Variants in EXOC4 observed in about 807,000 individuals in gnomAD.
EXOC4 encodes the protein exocyst complex component 4.
EXOC4 carries 71 observed loss-of-function variants against 107.2 expected under a neutral mutation model. That is an observed-to-expected ratio of 0.66 (90% CI 0.55 to 0.81). The LOEUF is 0.81. Among genes scored for constraint, EXOC4 ranks in the 30% least tolerant of loss-of-function variants. The pLI, the probability that EXOC4 is intolerant of heterozygous loss-of-function variation, is 0.00. For missense variants in EXOC4, 1,108 were observed against 1,189.6 expected, an observed-to-expected ratio of 0.93 and a Z score of 1.01; for synonymous variants, 456 against 441.2, an observed-to-expected ratio of 1.03 and a Z score of -0.42.
intron 14 of EXOC4, among the ~76,000 whole-genome samples, chr7:133,975,437 G>A (rs1793808771): frequency 6.6e-6 from 1 of 152,054 alleles, no homozygotes; most frequent in Non-Finnish European, 1.5e-5. Flanking sequence ...TGACCAAAAG[G>A]AAGAATTCAT....
At chr7:133,616,410 G>GAATGA (rs559632317) in intron 9 of EXOC4, among the ~76,000 whole-genome samples, 2 of 152,188 alleles carry the variant, frequency 1.3e-5, no homozygotes, top group East Asian at 3.9e-4. Context: ...ATGGGTTATT[G>GAATGA]AATGAAATGA....
At chr7:133,602,987 T>C (rs538746932) in intron 9 of EXOC4, among the ~76,000 whole-genome samples, 2 of 144,940 alleles carry the variant, frequency 1.4e-5, no homozygotes, top group East Asian at 3.9e-4. Context: ...AAAACAATTA[T>C]TTAATGTCTA....
At chr7:133,542,924 TTAA>T in intron 9 of EXOC4, among the ~76,000 whole-genome samples, 1 of 152,184 alleles carries the variant, frequency 6.6e-6, no homozygotes, top group Non-Finnish European at 1.5e-5. Context: ...GTTATAAATG[TTAA>T]TAATATTAAG....
chr7:133,469,088 C>A (rs184842598), intron 7 of EXOC4, among the ~76,000 whole-genome samples: 1 of 152,240 alleles, frequency 6.6e-6, no homozygotes, highest in Admixed American at 6.5e-5. Context: ...TATACTATGG[C>A]TTAATGTAAA....
downstream of EXOC4, among the ~76,000 whole-genome samples, chr7:134,070,811 C>T (rs974224050): frequency 6.0e-5 from 9 of 151,174 alleles, no homozygotes; most frequent in Non-Finnish European, 8.8e-5. Context: ...TAGGTGTTTT[C>T]GGGTGAGTGC....
the EXOC4 span, among the ~76,000 whole-genome samples, chr7:134,097,635 A>C: frequency 6.6e-6 from 1 of 152,204 alleles, no homozygotes. Context: ...AAAATCAACT[A>C]ATCAATCCCA....
chr7:133,868,346 G>T (rs936173063), intron 11 of EXOC4, among the ~76,000 whole-genome samples: 1 of 152,216 alleles, frequency 6.6e-6, no homozygotes, highest in Admixed American at 6.5e-5. Flanking sequence ...CAAATGAGAA[G>T]AGGGTAGAAG....
At chr7:133,327,882 G>T (rs1795285026) in intron 5 of EXOC4, among the ~76,000 whole-genome samples, 1 of 152,116 alleles carries the variant, frequency 6.6e-6, no homozygotes, top group African/African-American at 2.4e-5. Flanking sequence ...TAGAATAAGT[G>T]CTATGAGGTG....
At chr7:133,791,392 C>T (rs1409210892) in intron 10 of EXOC4, among the ~76,000 whole-genome samples, 3 of 152,182 alleles carry the variant, frequency 2.0e-5, no homozygotes, top group Admixed American at 1.3e-4. Flanking sequence ...GGGGCTGGAT[C>T]TGCCTAATTT....
the EXOC4 span, among the ~76,000 whole-genome samples, chr7:134,077,312 C>A: frequency 6.6e-6 from 1 of 152,188 alleles, no homozygotes; most frequent in Non-Finnish European, 1.5e-5. Flanking sequence ...CCTTTTTATT[C>A]TATCAGGGCC....
intron 10 of EXOC4, among the ~76,000 whole-genome samples, chr7:133,798,309 C>G (rs1796857896): frequency 6.6e-6 from 1 of 152,150 alleles, no homozygotes; most frequent in Non-Finnish European, 1.5e-5. Flanking sequence ...CTTTAGAGAT[C>G]TCCATCATTA....
intron 7 of EXOC4, among the ~76,000 whole-genome samples, chr7:133,428,696 T>A (rs1238582806): frequency 6.6e-6 from 1 of 152,236 alleles, no homozygotes; most frequent in Non-Finnish European, 1.5e-5. Context: ...ATATTCGGGT[T>A]CCTTCAGTTA....
chr7:133,641,186 G>A (rs962409218), intron 10 of EXOC4, among the ~76,000 whole-genome samples: 2 of 152,160 alleles, frequency 1.3e-5, no homozygotes, highest in Non-Finnish European at 2.9e-5. Context: ...CATAGTTGTA[G>A]TGAGTTGGGA....
intron 9 of EXOC4, among the ~76,000 whole-genome samples, chr7:133,543,486 G>T (rs943472924): frequency 1.3e-5 from 2 of 151,814 alleles, no homozygotes; most frequent in Admixed American, 1.3e-4. Flanking sequence ...CTCCTGAGTT[G>T]CTGCCCCCTT....
intron 10 of EXOC4, among the ~76,000 whole-genome samples, chr7:133,674,926 T>C (rs1401748786): frequency 6.6e-6 from 1 of 152,136 alleles, no homozygotes; most frequent in East Asian, 1.9e-4. Context: ...TTACAGTGCT[T>C]AACATTGTGC....
chr7:133,900,461 GA>G (rs2116549651), intron 12 of EXOC4, among the ~76,000 whole-genome samples: 1 of 152,300 alleles, frequency 6.6e-6, no homozygotes, highest in Non-Finnish European at 1.5e-5. Context: ...ATGTGGAAAG[GA>G]AAGCTTGGGT....
intron 7 of EXOC4, among the ~76,000 whole-genome samples, chr7:133,419,600 G>T (rs187009194): frequency 6.6e-6 from 1 of 152,148 alleles, no homozygotes; most frequent in Admixed American, 6.5e-5. Flanking sequence ...TGGAGGATAT[G>T]GTTTTTGTGT....
intron 7 of EXOC4, among the ~76,000 whole-genome samples, chr7:133,384,389 T>C (rs1344273188): frequency 6.6e-6 from 1 of 152,172 alleles, no homozygotes; most frequent in East Asian, 1.9e-4. Flanking sequence ...CTCCAAAGCT[T>C]ATCTCTGTCT....
chr7:133,763,594 G>C (rs1796077072), intron 10 of EXOC4, among the ~76,000 whole-genome samples: 2 of 151,840 alleles, frequency 1.3e-5, no homozygotes, highest in Non-Finnish European at 2.9e-5. Context: ...ACAAGTTTTT[G>C]AATAGCACTT....
Sources: allele counts gnomAD v4.1 joint callset (sites outside exome capture counted in the v4.1 genomes callset), GRCh38; gene constraint gnomAD v4.1.1; transcripts MANE v1.5; gene names NCBI Gene and HGNC (gene_info 2026-07-23, HGNC 2026-07-21).